Variants in CEP112 observed in about 807,000 individuals in gnomAD.
CEP112 encodes centrosomal protein of 112 kDa.
A neutral mutation model predicts 153.0 loss-of-function variants in CEP112; 127 were observed. That is an observed-to-expected ratio of 0.83 (90% CI 0.72 to 0.96). The LOEUF (loss-of-function observed/expected upper bound fraction) is 0.96, where lower values mean the gene tolerates loss of function less well. CEP112 is among the 40% of genes least tolerant of loss of function. The pLI is 0.00. For missense variants in CEP112, 1,089 were observed against 1,101.2 expected, an observed-to-expected ratio of 0.99 and a Z score of 0.16; for synonymous variants, 358 against 374.4, an observed-to-expected ratio of 0.96 and a Z score of 0.51.
intron 22 of CEP112, among the ~76,000 whole-genome samples, chr17:65,748,249 T>C (rs1355605365): frequency 1.3e-5 from 2 of 152,278 alleles, no homozygotes; most frequent in Non-Finnish European, 2.9e-5. Flanking sequence ...AAGGATGGAC[T>C]ATCTTTGATT....
intron 4 of CEP112, among the ~76,000 whole-genome samples, chr17:66,160,452 G>A (rs1247269341): frequency 6.6e-6 from 1 of 152,084 alleles, no homozygotes; most frequent in Non-Finnish European, 1.5e-5. Flanking sequence ...ATACTACAAG[G>A]CTACAATAAC....
intron 17 of CEP112, among the ~76,000 whole-genome samples, chr17:65,997,797 C>G (rs201305352): frequency 2.1e-5 from 3 of 141,252 alleles, no homozygotes; most frequent in Non-Finnish European, 3.1e-5. Context: ...ACATCCCCCC[C>G]CCCACACACA....
At chr17:65,709,845 C>A (rs763962670) in intron 23 of CEP112, among the ~76,000 whole-genome samples, 19 of 152,200 alleles carry the variant, frequency 1.2e-4, no homozygotes, top group Non-Finnish European at 1.8e-4. Flanking sequence ...TCTTTCTTTG[C>A]TCTGCAATGT....
At chr17:66,147,533 CTTTTT>C (rs984469519) in intron 4 of CEP112, among the ~76,000 whole-genome samples, 1 of 151,220 alleles carries the variant, frequency 6.6e-6, no homozygotes, top group East Asian at 1.9e-4. Flanking sequence ...TTCAATGTAT[CTTTTT>C]TTTTATTTGT....
chr17:66,103,351 A>G (rs756508041), intron 6 of CEP112, among the ~76,000 whole-genome samples: 2 of 152,154 alleles, frequency 1.3e-5, no homozygotes, highest in African/African-American at 2.4e-5. Flanking sequence ...ATTTTTTTAA[A>G]AAAGATAAGA....
intron 24 of CEP112, among the ~76,000 whole-genome samples, chr17:65,669,139 TCTCTC>T (rs1289568884): frequency 4.6e-5 from 7 of 152,214 alleles, no homozygotes; most frequent in Admixed American, 2.0e-4. Flanking sequence ...AGCTGGCCCT[TCTCTC>T]CTCACTGAAA....
chr17:65,827,541 G>A (rs1196972899), intron 21 of CEP112, among the ~76,000 whole-genome samples: 1 of 152,088 alleles, frequency 6.6e-6, no homozygotes, highest in East Asian at 1.9e-4. Flanking sequence ...CCTTCTCATT[G>A]GTTTCCCACC....
intron 19 of CEP112, among the ~76,000 whole-genome samples, chr17:65,905,012 C>T (rs534081599): frequency 4.6e-5 from 7 of 152,160 alleles, no homozygotes; most frequent in Non-Finnish European, 1.0e-4. Flanking sequence ...AGAAGAAAAC[C>T]TAGGCAATAC....
chr17:65,940,192 T>G (rs7224843), intron 18 of CEP112, among the ~76,000 whole-genome samples: 62,862 of 152,056 alleles, frequency 0.41, 14,392 homozygotes, highest in East Asian at 0.87. Context: ...GAGATATCAC[T>G]TCACAACTGT....
At chr17:65,912,735 C>G (rs1396304773) in intron 19 of CEP112, among the ~76,000 whole-genome samples, 1 of 152,056 alleles carries the variant, frequency 6.6e-6, no homozygotes, top group Non-Finnish European at 1.5e-5. Flanking sequence ...TAAACTGTAT[C>G]CAAAATTATA....
chr17:65,834,246 C>A (rs2057210103), intron 21 of CEP112, among the ~76,000 whole-genome samples: 1 of 152,004 alleles, frequency 6.6e-6, no homozygotes, highest in Non-Finnish European at 1.5e-5. Context: ...ACTATAAAAA[C>A]CCTGGAAGAC....
In CEP112 at chr17:66,191,805, G is replaced by C. The variant is rs1007166419; in HGVS notation, c.-9+192C>G. 1.3e-5 allele frequency: 2 copies of C among 152,626 alleles called. No individual in the cohort carries two copies. Among genetic ancestry groups the C allele is most frequent in the Non-Finnish European group, 2.9e-5 (2 of 68,112 alleles). 9.5% of individuals were successfully genotyped at this position (152,626 alleles called of 1,614,324 possible). A position where few individuals can be genotyped will look rare whatever the true frequency, so the allele number is the denominator to read the frequency against. On this transcript the variant is annotated intron_variant, in intron 1 of 26. Coordinates refer to ENST00000535342, the MANE Select transcript of CEP112 (RefSeq NM_001199165.4). The surrounding 1 kb of genome is among the most constrained non-coding windows in gnomAD (Gnocchi z 4.2). ...CCTGGATCGCGCTCTGCCTGCCGGG[G>C]ACACCACAGCGGGCAGCGCCGGGAC...
chr17:65,982,436 C>A (rs537967360), intron 17 of CEP112, among the ~76,000 whole-genome samples: 2 of 152,328 alleles, frequency 1.3e-5, no homozygotes, highest in East Asian at 1.9e-4. Flanking sequence ...ACACACAATT[C>A]TCTTAGTTAT....
intron 23 of CEP112, among the ~76,000 whole-genome samples, chr17:65,739,097 G>A (rs2050970833): frequency 6.6e-6 from 1 of 152,226 alleles, no homozygotes; most frequent in African/African-American, 2.4e-5. Flanking sequence ...TAGGTGAAAA[G>A]TCTGATTAAT....
rs545182356 is a variant in CEP112 at position 66,112,124 on chromosome 17, C to T, written c.643-15492G>A. On this transcript the variant is annotated intron_variant, in intron 6 of 26. Coordinates refer to ENST00000535342, the MANE Select transcript of CEP112 (RefSeq NM_001199165.4). ...TGGCCAACATGGTAAAACCCCATCT[C>T]TACCGAAAATACAAAAATTAGCCAG... 2.6e-3 allele frequency among the ~76,000 whole-genome samples: 402 copies of T among 151,982 alleles called. 2 individuals carry two copies. Among genetic ancestry groups the T allele is most frequent in the African/African-American group, 9.3e-3 (384 of 41,456 alleles).
intron 24 of CEP112, among the ~76,000 whole-genome samples, chr17:65,654,036 C>T (rs113964563): frequency 0.042 from 4,570 of 107,722 alleles, 262 homozygotes; most frequent in African/African-American, 0.15. Context: ...TCTAGCCTGG[C>T]AACCAGAGCA....
chr17:65,860,470 G>A (rs576825621), intron 20 of CEP112, among the ~76,000 whole-genome samples: 28 of 152,134 alleles, frequency 1.8e-4, no homozygotes, highest in Admixed American at 9.8e-4. Context: ...AAGAACAGGC[G>A]GTGTGATATT....
At chr17:66,032,811 C>G (rs1270674978) in intron 12 of CEP112, among the ~76,000 whole-genome samples, 1 of 152,112 alleles carries the variant, frequency 6.6e-6, no homozygotes, top group Non-Finnish European at 1.5e-5. Flanking sequence ...GTTTTCCTGA[C>G]TCAAAATATA....
At chr17:65,797,512 C>A (rs1175529693) in intron 21 of CEP112, among the ~76,000 whole-genome samples, 1 of 152,160 alleles carries the variant, frequency 6.6e-6, no homozygotes, top group Non-Finnish European at 1.5e-5. Context: ...GTTTGTTTAT[C>A]CTATCTGCAA....
Sources: gnomAD v4.1 joint callset for allele counts (sites outside exome capture counted in the v4.1 genomes callset) on GRCh38, gnomAD v4.1.1 for gene constraint, Gnocchi (gnomAD v3.1) non-coding constraint, MANE v1.5 for transcripts, NCBI Gene and HGNC (gene_info 2026-07-23, HGNC 2026-07-21) for gene names.